SPAG16: variants seen among roughly 807,000 people sequenced by gnomAD.
The protein encoded by SPAG16 is sperm associated antigen 16.
A neutral mutation model predicts 80.4 loss-of-function variants in SPAG16; 86 were observed. The ratio of observed to expected loss-of-function variants is 1.07; its 90% CI spans 0.90 to 1.28. SPAG16 has a LOEUF of 1.28. Among genes scored for constraint, SPAG16 ranks in the 50% most tolerant of loss-of-function variants. The pLI is 0.00. For missense variants in SPAG16, 870 were observed against 765.3 expected, an observed-to-expected ratio of 1.14 and a Z score of -1.61; for synonymous variants, 294 against 265.9, an observed-to-expected ratio of 1.11 and a Z score of -1.03.
intron 10 of SPAG16, among the ~76,000 whole-genome samples, chr2:213,725,333 G>C (rs933979): frequency 0.92 from 140,796 of 152,250 alleles, 66,137 homozygotes; most frequent in East Asian, 1. Flanking sequence ...CAACTCTCTG[G>C]TCTTTGTTAT....
At chr2:214,014,576 A>G (rs917250799) in intron 13 of SPAG16, among the ~76,000 whole-genome samples, 2 of 152,194 alleles carry the variant, frequency 1.3e-5, no homozygotes, top group Middle Eastern at 3.2e-3. Context: ...TAGGATATAT[A>G]GGTCATCTGG....
intron 10 of SPAG16, among the ~76,000 whole-genome samples, chr2:213,510,016 C>G (rs2075159783): frequency 1.3e-5 from 2 of 151,878 alleles, no homozygotes; most frequent in African/African-American, 2.4e-5. Context: ...ATACAAACTA[C>G]CATCAGAGAA....
chr2:214,019,775 G>C (rs911917526), intron 13 of SPAG16, among the ~76,000 whole-genome samples: 4 of 152,030 alleles, frequency 2.6e-5, no homozygotes, highest in Non-Finnish European at 5.9e-5. Context: ...TTATCCCTCA[G>C]CCATATTTGA....
At chr2:214,015,316 C>T (rs572879763) in intron 13 of SPAG16, among the ~76,000 whole-genome samples, 7 of 152,020 alleles carry the variant, frequency 4.6e-5, no homozygotes, top group Non-Finnish European at 5.9e-5. Flanking sequence ...GGGCTGGTTT[C>T]GGCTGGGTGC....
chr2:214,380,621 A>AATT (rs1234970688), intron 15 of SPAG16, among the ~76,000 whole-genome samples: 4 of 152,376 alleles, frequency 2.6e-5, no homozygotes, highest in South Asian at 2.1e-4. Context: ...AAGACAAATT[A>AATT]ATTAACACAT....
chr2:214,409,060 A>G (rs1223857609), intron 15 of SPAG16, among the ~76,000 whole-genome samples: 1 of 151,498 alleles, frequency 6.6e-6, no homozygotes, highest in Non-Finnish European at 1.5e-5. Context: ...AGTTACTACT[A>G]TTAGTACTAA....
intron 10 of SPAG16, among the ~76,000 whole-genome samples, chr2:213,697,565 A>G (rs1028838015): frequency 1.3e-5 from 2 of 152,176 alleles, no homozygotes; most frequent in Non-Finnish European, 2.9e-5. Flanking sequence ...TCTGTTCTAA[A>G]TGTAGTCACA....
At chr2:213,346,916 T>G (rs1244147367) in intron 6 of SPAG16, among the ~76,000 whole-genome samples, 2 of 152,118 alleles carry the variant, frequency 1.3e-5, no homozygotes, top group Non-Finnish European at 2.9e-5. Flanking sequence ...GTTAGGAAGG[T>G]ATTCCTTCTT....
intron 10 of SPAG16, among the ~76,000 whole-genome samples, chr2:213,556,804 A>C (rs2059440624): frequency 6.6e-6 from 1 of 152,172 alleles, no homozygotes; most frequent in Admixed American, 6.6e-5. Context: ...TTTCTTCTCA[A>C]GGGAACATGG....
intron 13 of SPAG16, among the ~76,000 whole-genome samples, chr2:214,067,643 A>G (rs1157946446): frequency 6.6e-6 from 1 of 152,200 alleles, no homozygotes; most frequent in East Asian, 1.9e-4. Context: ...TGAAAAAAAA[A>G]AAACTAAAAT....
intron 9 of SPAG16, among the ~76,000 whole-genome samples, chr2:213,464,143 T>C (rs1205413476): frequency 1.3e-5 from 2 of 152,190 alleles, no homozygotes; most frequent in African/African-American, 2.4e-5. Flanking sequence ...GGTTACATGG[T>C]TAATCAAATC....
chr2:213,574,345 T>C (rs2060038228), intron 10 of SPAG16, among the ~76,000 whole-genome samples: 1 of 152,122 alleles, frequency 6.6e-6, no homozygotes, highest in African/African-American at 2.4e-5. Flanking sequence ...TGACTGGTTA[T>C]AGGAAATTAA....
intron 12 of SPAG16, among the ~76,000 whole-genome samples, chr2:213,996,951 G>A (rs995661217): frequency 2.6e-5 from 4 of 152,072 alleles, no homozygotes; most frequent in Admixed American, 1.3e-4. Context: ...TTTCTTATAT[G>A]TTATATTCTT....
chr2:214,236,053 G>A (rs1480306169), intron 15 of SPAG16, among the ~76,000 whole-genome samples: 2 of 152,114 alleles, frequency 1.3e-5, no homozygotes, highest in Admixed American at 6.6e-5. Flanking sequence ...CATAGTAGGG[G>A]TGTAAATATA....
intron 10 of SPAG16, among the ~76,000 whole-genome samples, chr2:213,792,145 T>C (rs1013929800): frequency 3.9e-5 from 6 of 152,228 alleles, no homozygotes; most frequent in Non-Finnish European, 8.8e-5. Flanking sequence ...GTTTGTTTGT[T>C]ACAGAAAACA....
chr2:214,085,930 T>C (rs781134658), intron 13 of SPAG16, among the ~76,000 whole-genome samples: 7 of 152,236 alleles, frequency 4.6e-5, no homozygotes, highest in Non-Finnish European at 8.8e-5. Context: ...TGTGTTTCTT[T>C]AATACCTTGA....
chr2:213,871,168 ATCT>A (rs1433536204), intron 11 of SPAG16, among the ~76,000 whole-genome samples: 15 of 152,128 alleles, frequency 9.9e-5, no homozygotes, highest in Admixed American at 5.2e-4. Flanking sequence ...AAAATACAAA[ATCT>A]TCTATGAATA....
chr2:213,467,279 T>A (rs562747094), intron 9 of SPAG16, among the ~76,000 whole-genome samples: 13 of 152,222 alleles, frequency 8.5e-5, no homozygotes, highest in Admixed American at 8.5e-4. Context: ...GTTGGACCAG[T>A]ATGGTGGTTG....
At chr2:214,369,753 T>C (rs1699696940) in intron 15 of SPAG16, among the ~76,000 whole-genome samples, 1 of 152,008 alleles carries the variant, frequency 6.6e-6, no homozygotes, top group African/African-American at 2.4e-5. Context: ...CCCTGCTATC[T>C]CAGGGGAAGA....
Sources: gnomAD v4.1 joint callset for allele counts (sites outside exome capture counted in the v4.1 genomes callset) on GRCh38, gnomAD v4.1.1 for gene constraint, MANE v1.5 for transcripts, NCBI Gene and HGNC (gene_info 2026-07-23, HGNC 2026-07-21) for gene names.